Variants in SGF29 observed in about 807,000 individuals in gnomAD.
SGF29 encodes the protein SAGA-associated factor 29.
In SGF29, 15 loss-of-function variants were observed where a neutral mutation model predicts 38.1. The observed-to-expected ratio is 0.39, with a 90% CI of 0.26 to 0.61. The LOEUF (loss-of-function observed/expected upper bound fraction) is 0.61, where lower values mean the gene tolerates loss of function less well. Among genes scored for constraint, SGF29 ranks in the 20% least tolerant of loss-of-function variants. The pLI is 0.49. For synonymous variants in SGF29, 151 were observed against 160.8 expected, an observed-to-expected ratio of 0.94 and a Z score of 0.46; for missense variants, 184 against 394.6, an observed-to-expected ratio of 0.47 and a Z score of 4.52.
chr16:28,567,301 C>T (rs1291280991), intron 1 of SGF29, among the ~76,000 whole-genome samples: 1 of 152,132 alleles, frequency 6.6e-6, no homozygotes, highest in East Asian at 1.9e-4. Context: ...TTGTAAACAA[C>T]AGAAACATAT....
chr16:28,556,679 T>A (rs1204667607), intron 1 of SGF29, among the ~76,000 whole-genome samples: 1 of 152,010 alleles, frequency 6.6e-6, no homozygotes, highest in African/African-American at 2.4e-5. Flanking sequence ...AAGGTCTTAC[T>A]CTGTCACCCA....
At chr16:28,580,993 G>C in intron 1 of SGF29, 62 bp from the exon 2 acceptor site, 1 of 1,233,074 alleles carries the variant, frequency 8.1e-7, no homozygotes. Context: ...CTTTTGAGGG[G>C]GCACAGTTCA....
chr16:28,558,297 G>A (rs1356607450), intron 1 of SGF29, among the ~76,000 whole-genome samples: 1 of 148,832 alleles, frequency 6.7e-6, no homozygotes, highest in Non-Finnish European at 1.5e-5. Context: ...TGTATTTTTA[G>A]TAGAGATGGG....
chr16:28,564,106 A>T (rs1406952029), intron 1 of SGF29, among the ~76,000 whole-genome samples: 2 of 152,088 alleles, frequency 1.3e-5, no homozygotes, highest in African/African-American at 4.8e-5. Flanking sequence ...TGAGGACCTA[A>T]ACTAAAACAA....
chr16:28,573,482 G>A (rs1480962053), intron 1 of SGF29, among the ~76,000 whole-genome samples: 1 of 152,166 alleles, frequency 6.6e-6, no homozygotes, highest in Non-Finnish European at 1.5e-5. Flanking sequence ...AAGCAGCACC[G>A]GATCCCTGCA....
chr16:28,578,666 G>T (rs1193748423), intron 1 of SGF29, among the ~76,000 whole-genome samples: 2 of 139,424 alleles, frequency 1.4e-5, no homozygotes. Flanking sequence ...GTAGGAGGAT[G>T]TGTTAGTTGA....
intron 1 of SGF29, among the ~76,000 whole-genome samples, chr16:28,577,493 T>G (rs926958488): frequency 6.6e-6 from 1 of 152,268 alleles, no homozygotes; most frequent in Non-Finnish European, 1.5e-5. Flanking sequence ...CTTCTGTGAT[T>G]GCAGCTTCTT....
At position 28,590,425 on chromosome 16, in the gene SGF29, C is replaced by T. The variant is rs751280612; in HGVS notation, c.549C>T (p.Tyr183=). ...EQWILAEVVS[Y]SHATNKYEVD... is the part of the protein sequence containing the mutation. ...GGATCCTGGCCGAGGTGGTCAGTTA[C>T]AGCCATGCCACCAACAAGTGAGTGA... The change falls in exon 7 of 10, where the codon TAC becomes TAT. Residue 183 remains tyrosine (Y), a synonymous_variant. Transcript: ENST00000317058. This position sits in a 1 kb window ranked among gnomAD's most constrained non-coding sequence, Gnocchi z 8.2. 7.4e-6 allele frequency: 12 copies of T among 1,613,782 alleles called. No individual in the cohort carries two copies. In the South Asian group the frequency reaches 7.7e-5, roughly 10 times the overall value.
intron 4 of SGF29, chr16:28,588,841 G>C (rs960777267): frequency 4.9e-6 from 2 of 407,464 alleles, no homozygotes; most frequent in African/African-American, 4.1e-5. Flanking sequence ...AAAGTGCTGG[G>C]ATTACAGGCG....
intron 1 of SGF29, among the ~76,000 whole-genome samples, chr16:28,560,135 G>A (rs1013289845): frequency 3.3e-5 from 5 of 151,660 alleles, no homozygotes; most frequent in Admixed American, 2.0e-4. Flanking sequence ...GGAGGCTAAG[G>A]CACAAGAATT....
intron 1 of SGF29, among the ~76,000 whole-genome samples, chr16:28,563,069 T>G (rs965171220): frequency 6.6e-6 from 1 of 152,110 alleles, no homozygotes; most frequent in African/African-American, 2.4e-5. Flanking sequence ...TGAAAATCAC[T>G]TGAGGTTGTT....
At chr16:28,568,299 G>A (rs1304963132) in intron 1 of SGF29, among the ~76,000 whole-genome samples, 1 of 96,800 alleles carries the variant, frequency 1.0e-5, no homozygotes, top group Admixed American at 1.6e-4. Flanking sequence ...GGCAGCAAGA[G>A]CAAAACTCCA....
At chr16:28,556,238 C>A (rs976082286) in intron 1 of SGF29, among the ~76,000 whole-genome samples, 1 of 152,004 alleles carries the variant, frequency 6.6e-6, no homozygotes, top group Non-Finnish European at 1.5e-5. Flanking sequence ...GGTGCAATGT[C>A]AACTCACTGC....
intron 3 of SGF29, 181 bp from the exon 4 acceptor site, chr16:28,585,467 G>A: frequency 1.6e-6 from 1 of 630,230 alleles, no homozygotes; most frequent in Admixed American, 2.5e-5. Flanking sequence ...GTACCATATG[G>A]AAATGCGGAC....
At chr16:28,554,274 C>CGGGGCCG (rs2046731973) in intron 1 of SGF29, 177 bp downstream of exon 1, 1 of 110,236 alleles carries the variant, frequency 9.1e-6, no homozygotes, top group Non-Finnish European at 2.0e-5. Flanking sequence ...GAGAGGAGGG[C>CGGGGCCG]GGGGCCGGGG....
chr16:28,585,347 C>G, intron 3 of SGF29: 1 of 530,786 alleles, frequency 1.9e-6, no homozygotes, highest in Non-Finnish European at 3.4e-6. Context: ...CTTTCTTACT[C>G]TGGGTAACTC....
chr16:28,559,672 G>C (rs2046773980), intron 1 of SGF29, among the ~76,000 whole-genome samples: 1 of 151,968 alleles, frequency 6.6e-6, no homozygotes, highest in Non-Finnish European at 1.5e-5. Flanking sequence ...CACCGCACCC[G>C]GCCCATTAAG....
At chr16:28,585,354 ACT>A (rs911903617) in intron 3 of SGF29, 3 of 542,182 alleles carry the variant, frequency 5.5e-6, no homozygotes, top group Non-Finnish European at 6.6e-6. Flanking sequence ...ACTCTGGGTA[ACT>A]CTGAGAATTG....
chr16:28,583,437 T>G (rs550713588), intron 2 of SGF29, among the ~76,000 whole-genome samples: 1 of 152,350 alleles, frequency 6.6e-6, no homozygotes, highest in African/African-American at 2.4e-5. Flanking sequence ...TACACAGGTA[T>G]GGACTATTGG....
Sources: gnomAD v4.1 joint callset for allele counts (sites outside exome capture counted in the v4.1 genomes callset) on GRCh38, gnomAD v4.1.1 for gene constraint, Gnocchi (gnomAD v3.1) non-coding constraint, MANE v1.5 for transcripts, NCBI Gene and HGNC (gene_info 2026-07-23, HGNC 2026-07-21) for gene names.